Variants in TCF4 observed in about 807,000 individuals in gnomAD.
TCF4 encodes transcription factor 4.
Under a neutral mutation model 82.1 loss-of-function variants are expected in TCF4, and 3 were observed. The ratio of observed to expected loss-of-function variants is 0.04; its 90% confidence interval spans 0.02 to 0.09. TCF4 has a LOEUF of 0.09. TCF4 is among the 10% of genes least tolerant of loss of function. The probability of loss-of-function intolerance (pLI) is 1.00; values close to 1 mark genes in which losing one functional copy is unlikely to be tolerated. For missense variants in TCF4, 518 were observed against 852.7 expected (o/e 0.61, Z 4.89); for synonymous variants, 276 against 309.6 (o/e 0.89, Z 1.14).
chr18:55,510,517 C>T, intron 3 of TCF4: 12 of 1,266,234 alleles, frequency 9.5e-6, no homozygotes, highest in East Asian at 5.4e-5. Context: ...ATACAGAAGT[C>T]GATAGATCAA....
rs1568465601 is a variant in TCF4, at chr18:55,586,157, AGC to A, written c.73-807_73-806del. 4.8e-5 allele frequency: 5 copies of A among 104,688 alleles called. No homozygotes were observed. The African/African-American group carries it at 1.5e-3, about 31-fold the overall frequency. The allele number at this position is 104,688 out of a possible 1,614,324, so 6.5% of individuals were successfully genotyped here. The stretch of plus-strand genomic sequence containing the variant: ...GAGAAGGAGGAGGAGGAGGAGGAGC[AGC>A]AGCAGCAGCAGCAGCAGCAGCAGCA... On this transcript the variant is annotated intron_variant, in intron 2 of 19. Coordinates refer to ENST00000354452, the MANE Select transcript of TCF4 (RefSeq NM_001083962.2).
intron 5 of TCF4, among the ~76,000 whole-genome samples, chr18:55,449,818 A>G (rs547675318): frequency 6.6e-6 from 1 of 152,152 alleles, no homozygotes; most frequent in East Asian, 1.9e-4. Flanking sequence ...ATCAGATATT[A>G]CACACTTTCT....
intron 17 of TCF4, chr18:55,230,263 G>A (rs529570572): frequency 7.9e-5 from 12 of 151,970 alleles, no homozygotes; most frequent in Admixed American, 2.0e-4. Flanking sequence ...AGATAAGATC[G>A]GTTCTGTCCA....
intron 8 of TCF4, among the ~76,000 whole-genome samples, chr18:55,311,122 A>G (rs1468759588): frequency 6.6e-6 from 1 of 152,206 alleles, no homozygotes; most frequent in Admixed American, 6.5e-5. Context: ...AAAACAAACA[A>G]ACAAAAAACA....
At chr18:55,318,004 A>C (rs1466179627) in intron 8 of TCF4, among the ~76,000 whole-genome samples, 1 of 152,116 alleles carries the variant, frequency 6.6e-6, no homozygotes, top group East Asian at 1.9e-4. Flanking sequence ...CATGGTTTGA[A>C]GCTTGTTAGT....
rs1568500854 is a variant in TCF4, at chr18:55,621,650, TTATATAA to T, written c.286+9641_286+9647del. ...TAATATATATATTATATAATATACA[TTATATAA>T]TATACATTATATAATATACATTATA... On this transcript the variant is annotated intron_variant, in intron 2 of 20. Coordinates refer to the TCF4 transcript ENST00000398339. Among the ~76,000 whole-genome samples the T allele has an allele frequency of 3.1e-4, 23 of 74,234 alleles. 1 individual carries two copies. Among genetic ancestry groups the T allele is most frequent in the African/African-American group, 9.3e-4 (18 of 19,348 alleles). 48.7% of individuals were successfully genotyped at this position (74,234 alleles called of 152,430 possible). A position where few individuals can be genotyped will look rare whatever the true frequency, so the allele number is the denominator to read the frequency against.
At chr18:55,301,875 G>A (rs191483314) in intron 8 of TCF4, among the ~76,000 whole-genome samples, 46 of 150,754 alleles carry the variant, frequency 3.1e-4, no homozygotes, top group Middle Eastern at 3.5e-3. Context: ...AAAACTCTTG[G>A]AAGATGAGCT....
At position 55,587,108 on chromosome 18, in the gene TCF4, G is replaced by A. The variant is rs1361892226; in HGVS notation, c.9C>T (p.His3=). 6.2e-7 allele frequency: 1 copy of A among 1,613,162 alleles called. No homozygotes were observed. The highest frequency in any genetic ancestry group is 1.7e-5 in the Admixed American group (1 of 59,954). The change falls in exon 2 of 20, where the codon CAC becomes CAT. Residue 3 remains histidine, a synonymous_variant. Coordinates refer to ENST00000354452, the MANE Select transcript of TCF4 (RefSeq NM_001083962.2). ...TCCCTAAGGCAGCCATTCGCTGTTG[G>A]TGATGCATTTTAGCAAAATCACACA... MH[H]QQRMAALGTD...
rs73479259 is a variant in TCF4 at position 55,453,207 on chromosome 18, G to A, written c.304+7812C>T. Among the ~76,000 whole-genome samples, 475 of 146,916 alleles carry A rather than the reference G, an allele frequency of 3.2e-3. 3 individuals are homozygous for A. Among genetic ancestry groups the A allele is most frequent in the African/African-American group, 0.012 (465 of 39,558 alleles). ...TCAACTCACCCTTCCCCTTCTTTCT[G>A]CATCAAACCTGAACTTGACACAAGA... On this transcript the variant is annotated intron_variant, in intron 5 of 19. Coordinates refer to ENST00000354452, the MANE Select transcript of TCF4 (RefSeq NM_001083962.2).
At chr18:55,635,776 T>A in exon 1 of TCF4, 1 of 1,550,902 alleles carries the variant, frequency 6.4e-7, no homozygotes, top group Non-Finnish European at 8.7e-7. Context: ...CTGAGAAGTT[T>A]TAAAAAATGA....
chr18:55,270,890 G>C (rs1219530175), intron 10 of TCF4, among the ~76,000 whole-genome samples: 1 of 151,970 alleles, frequency 6.6e-6, no homozygotes, highest in Non-Finnish European at 1.5e-5. Flanking sequence ...TATTCTCATA[G>C]GCATCTGAAT....
intron 8 of TCF4, chr18:55,321,889 T>C (rs1253854266): frequency 7.1e-6 from 10 of 1,409,604 alleles, no homozygotes; most frequent in Non-Finnish European, 9.2e-6. Context: ...AGACCATTCC[T>C]GGCGGGCGGG....
At position 55,575,905 on chromosome 18, in the gene TCF4, TA is replaced by T. The variant is rs532337811; in HGVS notation, c.145+9374del. On this transcript the variant is annotated intron_variant, in intron 3 of 19. Transcript: ENST00000354452. ...GATCACGGTATCTCCGGAAAAGTTT[TA>T]AACGCATTTCTCAATATATAATATG... 7.2e-5 allele frequency among the ~76,000 whole-genome samples: 11 copies of T among 152,338 alleles called. No individual in the cohort carries two copies. The South Asian group carries it at 2.3e-3, about 32-fold the overall frequency.
chr18:55,393,181 A>G lies in TCF4; in HGVS notation c.369+10273T>C, dbSNP rs9963602. ...GGAATTTGAGACAGCCTGGACAACA[A>G]CGTGAGACCCTGGCTCTACAAAACA... On this transcript the variant is annotated intron_variant, in intron 6 of 19. Transcript: ENST00000354452. Among the ~76,000 whole-genome samples the G allele has an allele frequency of 7.6e-3, 1,152 of 152,242 alleles. 9 individuals carry two copies. The highest frequency in any genetic ancestry group is 0.026 in the African/African-American group (1,096 of 41,540).
At chr18:55,449,077 C>T (rs1368041798) in intron 5 of TCF4, among the ~76,000 whole-genome samples, 3 of 152,178 alleles carry the variant, frequency 2.0e-5, no homozygotes, top group Non-Finnish European at 4.4e-5. Flanking sequence ...AGAGCTCTCC[C>T]ACCCTCTCCT....
intron 5 of TCF4, among the ~76,000 whole-genome samples, chr18:55,450,143 C>T (rs1157080437): frequency 6.6e-6 from 1 of 152,092 alleles, no homozygotes; most frequent in Non-Finnish European, 1.5e-5. Context: ...TGAGCTGGTG[C>T]TCACAGCAAT....
chr18:55,322,485 G>T, intron 8 of TCF4: 1 of 1,004,104 alleles, frequency 1.0e-6, no homozygotes. Context: ...AAGGAGAGAG[G>T]GGGCAGTGTT....
At chr18:55,586,168 CAG>C (rs2097647562) in intron 2 of TCF4, 2 of 389,326 alleles carry the variant, frequency 5.1e-6, no homozygotes, top group African/African-American at 7.6e-5. Context: ...GCAGCAGCAG[CAG>C]CAGCAGCAGC....
intron 5 of TCF4, among the ~76,000 whole-genome samples, chr18:55,419,955 G>A (rs1208038910): frequency 3.9e-5 from 6 of 152,192 alleles, no homozygotes; most frequent in Non-Finnish European, 8.8e-5. Context: ...CAGTCATGGG[G>A]CTGTAATTCT....
Sources: gnomAD v4.1 joint callset for allele counts (sites outside exome capture counted in the v4.1 genomes callset) on GRCh38, gnomAD v4.1.1 for gene constraint, MANE v1.5 for transcripts, NCBI Gene and HGNC (gene_info 2026-07-23, HGNC 2026-07-21) for gene names.